The following OSBPL10 variants were observed in gnomAD, a reference collection of about 807,000 sequenced individuals.
OSBPL10 encodes oxysterol binding protein like 10.
OSBPL10 carries 49 observed loss-of-function variants against 81.7 expected under a neutral mutation model. The ratio of observed to expected loss-of-function variants is 0.60; its 90% CI spans 0.48 to 0.76. The LOEUF is 0.76. OSBPL10 is among the 30% of genes least tolerant of loss of function. The pLI is 0.00. For synonymous variants in OSBPL10, 419 were observed against 383.6 expected, an observed-to-expected ratio of 1.09 and a Z score of -1.08; for missense variants, 923 against 987.8, an observed-to-expected ratio of 0.93 and a Z score of 0.88.
chr3:31,810,935 G>C (rs1053709050), intron 4 of OSBPL10, among the ~76,000 whole-genome samples: 3 of 152,154 alleles, frequency 2.0e-5, no homozygotes, highest in African/African-American at 7.2e-5. Context: ...TTGTTTGTAA[G>C]AGCAGAAAAT....
intron 1 of OSBPL10, among the ~76,000 whole-genome samples, chr3:31,908,153 C>G (rs1367724287): frequency 6.6e-6 from 1 of 152,040 alleles, no homozygotes; most frequent in African/African-American, 2.4e-5. Context: ...CAGTGCAACA[C>G]GGGTGGAGTG....
intron 3 of OSBPL10, among the ~76,000 whole-genome samples, chr3:31,845,522 T>C (rs936682931): frequency 9.2e-5 from 14 of 152,224 alleles, no homozygotes; most frequent in African/African-American, 3.4e-4. Flanking sequence ...ATAGTGCTTT[T>C]ATAGTAAGAA....
chr3:32,076,748 TG>T (rs986171342), intron 1 of OSBPL10, among the ~76,000 whole-genome samples: 3 of 152,012 alleles, frequency 2.0e-5, no homozygotes, highest in Non-Finnish European at 4.4e-5. Flanking sequence ...ATTTGGTAGG[TG>T]GGGGGCCAGT....
chr3:31,691,580 G>A (rs1023416211), intron 7 of OSBPL10, among the ~76,000 whole-genome samples: 1 of 152,078 alleles, frequency 6.6e-6, no homozygotes, highest in Non-Finnish European at 1.5e-5. Context: ...AATTAGCCAG[G>A]TGTGGTGGTG....
intron 4 of OSBPL10, among the ~76,000 whole-genome samples, chr3:31,762,629 C>CTTTTTTTTTTTTTTT (rs1491572896): frequency 7.0e-4 from 12 of 17,226 alleles, no homozygotes; most frequent in East Asian, 3.0e-3. Flanking sequence ...CCATGCCCAG[C>CTTTTTTTTTTTTTTT]ATTTTTTTTT....
chr3:31,806,712 G>C (rs1384417405), intron 4 of OSBPL10, among the ~76,000 whole-genome samples: 2 of 152,076 alleles, frequency 1.3e-5, no homozygotes, highest in African/African-American at 4.8e-5. Flanking sequence ...GATGGGGCAG[G>C]GGGTGCTGCT....
At chr3:32,051,708 A>T (rs879747169) in intron 1 of OSBPL10, among the ~76,000 whole-genome samples, 3 of 152,188 alleles carry the variant, frequency 2.0e-5, no homozygotes, top group Non-Finnish European at 2.9e-5. Flanking sequence ...TTCCACCCTG[A>T]AGCCAGTAAT....
At chr3:31,917,676 C>A (rs899704693) in intron 1 of OSBPL10, among the ~76,000 whole-genome samples, 20 of 147,364 alleles carry the variant, frequency 1.4e-4, no homozygotes, top group African/African-American at 4.8e-4. Flanking sequence ...ACAAACTGAT[C>A]TAGTATGCTG....
chr3:31,863,968 A>G (rs72850590), intron 3 of OSBPL10, among the ~76,000 whole-genome samples: 8,447 of 152,274 alleles, frequency 0.055, 426 homozygotes, highest in African/African-American at 0.12. Flanking sequence ...GGAGAAGAAG[A>G]AGGAAGAAGC....
intron 3 of OSBPL10, among the ~76,000 whole-genome samples, chr3:31,846,921 A>T (rs1700648635): frequency 6.6e-6 from 1 of 152,054 alleles, no homozygotes. Flanking sequence ...CTATGAGTGA[A>T]CCCCAAGATC....
rs1395415925 is a variant in OSBPL10 at position 31,668,766 on chromosome 3, C to T, written c.1972G>A (p.Glu658Lys). The T allele has an allele frequency of 6.2e-7, 1 of 1,613,936 alleles. No individual in the cohort carries two copies. Among genetic ancestry groups the T allele is most frequent in the Non-Finnish European group, 8.5e-7 (1 of 1,179,964 alleles). ...GTGAACTCTAAAGTACCATTCCATT[C>T]CCCATGGGCTTTACAAACAATGGTG... ...TNTIVCKAHG[E>K]WNGTLEFTYN... is the part of the protein sequence containing the mutation. The change falls in exon 10 of 12, where the codon GAA becomes AAA. Residue 658 changes from glutamate (E) to lysine (K), a missense_variant. By Grantham distance (56) the Glu-to-Lys change is moderately conservative. This residue lies in a region of OSBPL10 where 387 missense variants were observed against 436.3 expected (regional missense o/e 0.89). Coordinates refer to ENST00000396556, the MANE Select transcript of OSBPL10 (RefSeq NM_017784.5).
chr3:31,900,912 A>G (rs1696216377), intron 1 of OSBPL10, among the ~76,000 whole-genome samples: 2 of 152,234 alleles, frequency 1.3e-5, no homozygotes, highest in Non-Finnish European at 2.9e-5. Context: ...TCATTATAAT[A>G]AGGAAAAATC....
chr3:31,691,959 C>A (rs1428857343), intron 7 of OSBPL10, among the ~76,000 whole-genome samples: 1 of 152,150 alleles, frequency 6.6e-6, no homozygotes, highest in African/African-American at 2.4e-5. Flanking sequence ...ACTTAGCCAA[C>A]CTTTTCCCTA....
At chr3:31,712,991 T>C (rs1211727433) in intron 6 of OSBPL10, among the ~76,000 whole-genome samples, 1 of 152,194 alleles carries the variant, frequency 6.6e-6, no homozygotes, top group Non-Finnish European at 1.5e-5. Flanking sequence ...AATCTCATGG[T>C]TTCTCACAAC....
At chr3:31,842,286 T>G (rs909049329) in intron 3 of OSBPL10, among the ~76,000 whole-genome samples, 2 of 152,234 alleles carry the variant, frequency 1.3e-5, no homozygotes, top group Non-Finnish European at 2.9e-5. Flanking sequence ...TCTTGAAGTA[T>G]CTCAGCCCTA....
chr3:31,827,096 T>G (rs1431324514), intron 4 of OSBPL10, among the ~76,000 whole-genome samples: 1 of 152,132 alleles, frequency 6.6e-6, no homozygotes, highest in African/African-American at 2.4e-5. Flanking sequence ...TTTTTCTTTT[T>G]GAGATGGGGT....
intron 4 of OSBPL10, among the ~76,000 whole-genome samples, chr3:31,778,826 G>A (rs558320233): frequency 6.6e-6 from 1 of 152,092 alleles, no homozygotes; most frequent in Non-Finnish European, 1.5e-5. Context: ...AAAGCATCAG[G>A]TAACCTATAA....
intron 4 of OSBPL10, chr3:31,794,847 GA>G: frequency 2.7e-6 from 1 of 374,768 alleles, no homozygotes; most frequent in South Asian, 2.5e-5. Context: ...GGGCATGTGG[GA>G]AAAAACTGGA....
At chr3:31,770,344 G>A (rs1469175519) in intron 4 of OSBPL10, among the ~76,000 whole-genome samples, 2 of 151,962 alleles carry the variant, frequency 1.3e-5, no homozygotes, top group African/African-American at 2.4e-5. Flanking sequence ...AAAAATAATC[G>A]ACCCAAATAG....
Sources: gnomAD v4.1 joint callset for allele counts (sites outside exome capture counted in the v4.1 genomes callset) on GRCh38, gnomAD v4.1.1 for gene constraint, gnomAD v4.1.1 regional missense constraint, MANE v1.5 for transcripts, NCBI Gene and HGNC (gene_info 2026-07-23, HGNC 2026-07-21) for gene names.